The following DLC1 variants were observed in gnomAD, a reference collection of about 807,000 sequenced individuals.
DLC1 encodes rho GTPase-activating protein 7.
Under a neutral mutation model 140.3 loss-of-function variants are expected in DLC1, and 54 were observed. The observed-to-expected ratio is 0.38, with a 90% confidence interval of 0.31 to 0.48. DLC1 has a LOEUF of 0.48. Among genes scored for constraint, DLC1 ranks in the 20% least tolerant of loss-of-function variants. DLC1 has a pLI of 0.96. For synonymous variants in DLC1, 986 were observed against 728.1 expected (o/e 1.35, Z -5.70); for missense variants, 2,536 against 1,907.0 (o/e 1.33, Z -6.14).
intron 4 of DLC1, among the ~76,000 whole-genome samples, chr8:13,348,244 A>G (rs1395327142): frequency 2.6e-5 from 4 of 152,150 alleles, no homozygotes; most frequent in Non-Finnish European, 5.9e-5. Flanking sequence ...CGTGTGAGTA[A>G]TATGTGTGTG....
At position 13,187,985 on chromosome 8, in the gene DLC1, A is replaced by G. The variant is rs548360537; in HGVS notation, c.1349-72328T>C. Among the ~76,000 whole-genome samples the G allele has an allele frequency of 2.2e-4, 33 of 152,246 alleles. 1 individual carries two copies. Among genetic ancestry groups the G allele is most frequent in the African/African-American group, 7.9e-4 (33 of 41,550 alleles). On this transcript the variant is annotated intron_variant, in intron 5 of 17. Coordinates refer to ENST00000276297, the MANE Select transcript of DLC1 (RefSeq NM_182643.3). ...CTTTTCCTCCTTCTTTTTAATGGAA[A>G]AGTACTTGTAAAAATAGAATAGTTG... is the stretch of plus-strand genomic sequence containing the variant.
intron 5 of DLC1, among the ~76,000 whole-genome samples, chr8:13,209,123 T>C (rs1827813534): frequency 6.6e-6 from 1 of 152,242 alleles, no homozygotes; most frequent in East Asian, 1.9e-4. Context: ...AAAAAGATCT[T>C]TGGACTGGGG....
At chr8:13,108,922 A>T (rs1819816937) in intron 7 of DLC1, among the ~76,000 whole-genome samples, 1 of 152,112 alleles carries the variant, frequency 6.6e-6, no homozygotes, top group African/African-American at 2.4e-5. Context: ...ATGATATTAC[A>T]CTCCACAGTG....
chr8:13,221,720 G>GTATA lies in DLC1; in HGVS notation c.1348+83548_1348+83549insTATA, dbSNP rs1458235636. 6.3e-3 allele frequency among the ~76,000 whole-genome samples: 670 copies of GTATA among 106,526 alleles called. 7 individuals carry two copies. The highest frequency in any genetic ancestry group is 0.025 in the African/African-American group (615 of 24,774). The allele number at this position is 106,526 out of a possible 152,430, so 69.9% of individuals were successfully genotyped here. A position where few individuals can be genotyped will look rare whatever the true frequency, so the allele number is the denominator to read the frequency against. ...TGTATATGTGTGTGTATATGTGTGT[G>GTATA]TGTGTGTATATATATATATATATAT... On this transcript the variant is annotated intron_variant, in intron 5 of 17. Coordinates refer to ENST00000276297, the MANE Select transcript of DLC1 (RefSeq NM_182643.3).
At chr8:13,186,946 A>G (rs1428065139) in intron 5 of DLC1, among the ~76,000 whole-genome samples, 5 of 152,134 alleles carry the variant, frequency 3.3e-5, no homozygotes, top group Non-Finnish European at 7.4e-5. Context: ...CTGGAGTTCC[A>G]CTCTAGACCC....
chr8:13,131,750 C>A (rs1178031487), intron 5 of DLC1, among the ~76,000 whole-genome samples: 1 of 152,168 alleles, frequency 6.6e-6, no homozygotes, highest in Non-Finnish European at 1.5e-5. Context: ...AGTTATCACC[C>A]CTTTGGTGCA....
intron 1 of DLC1, chr8:13,568,342 G>A (rs1475398773): frequency 1.1e-5 from 2 of 184,794 alleles, no homozygotes; most frequent in Admixed American, 1.1e-4. Context: ...CATTAAGACA[G>A]GAACACCAGA....
chr8:13,380,448 TTCC>T (rs1402366033), intron 4 of DLC1, among the ~76,000 whole-genome samples: 2 of 152,224 alleles, frequency 1.3e-5, no homozygotes, highest in Non-Finnish European at 2.9e-5. Flanking sequence ...AATATTCCCC[TTCC>T]TCCACCTTTT....
intron 5 of DLC1, among the ~76,000 whole-genome samples, chr8:13,161,824 C>T (rs7837117): frequency 2.0e-5 from 3 of 152,126 alleles, no homozygotes; most frequent in African/African-American, 4.8e-5. Context: ...AACTCATGTT[C>T]AGAGCCCTGT....
At chr8:13,360,646 T>A (rs1252212366) in intron 4 of DLC1, among the ~76,000 whole-genome samples, 2 of 152,130 alleles carry the variant, frequency 1.3e-5, no homozygotes, top group Non-Finnish European at 2.9e-5. Flanking sequence ...AGACTTACTC[T>A]GTGTTTTTTG....
At chr8:13,595,563 C>G (rs1805655668) in intron 1 of DLC1, among the ~76,000 whole-genome samples, 1 of 151,884 alleles carries the variant, frequency 6.6e-6, no homozygotes, top group African/African-American at 2.4e-5. Context: ...ATCTTGAGTT[C>G]TTTATGATTA....
At chr8:13,198,335 C>T (rs1338081669) in intron 5 of DLC1, among the ~76,000 whole-genome samples, 3 of 152,004 alleles carry the variant, frequency 2.0e-5, no homozygotes, top group Admixed American at 6.6e-5. Flanking sequence ...GAATTGGTAC[C>T]ATTTACAAAG....
intron 5 of DLC1, among the ~76,000 whole-genome samples, chr8:13,259,790 A>G (rs1051527224): frequency 4.7e-5 from 7 of 148,360 alleles, no homozygotes; most frequent in African/African-American, 1.8e-4. Flanking sequence ...CAAGTACAAC[A>G]GATGGGTTTT....
chr8:13,122,131 G>A (rs1220533591), intron 5 of DLC1, among the ~76,000 whole-genome samples: 3 of 152,142 alleles, frequency 2.0e-5, no homozygotes, highest in Non-Finnish European at 2.9e-5. Flanking sequence ...GAGCCACTGG[G>A]CTGGTTTTAT....
At chr8:13,128,664 C>T (rs534346698) in intron 5 of DLC1, among the ~76,000 whole-genome samples, 1 of 152,216 alleles carries the variant, frequency 6.6e-6, no homozygotes, top group Admixed American at 6.5e-5. Context: ...AACCCTGTTT[C>T]TACTAAAAAT....
chr8:13,569,956 G>A (rs1057375999), intron 1 of DLC1, among the ~76,000 whole-genome samples: 1 of 152,148 alleles, frequency 6.6e-6, no homozygotes, highest in Non-Finnish European at 1.5e-5. Context: ...GAATTCCTGA[G>A]CTCAAGCAAT....
At chr8:13,557,877 G>C (rs569126030) in intron 1 of DLC1, 1 of 152,250 alleles carries the variant, frequency 6.6e-6, no homozygotes, top group South Asian at 2.1e-4. Flanking sequence ...TTTTATTTGG[G>C]AAGCAAGAAT....
intron 4 of DLC1, among the ~76,000 whole-genome samples, chr8:13,390,627 C>A (rs1286016357): frequency 1.3e-5 from 2 of 152,162 alleles, no homozygotes; most frequent in African/African-American, 2.4e-5. Context: ...GTGCAGCAAA[C>A]CACCATGGCA....
intron 2 of DLC1, among the ~76,000 whole-genome samples, chr8:13,419,366 C>T (rs1336967684): frequency 6.6e-6 from 1 of 152,030 alleles, no homozygotes; most frequent in East Asian, 1.9e-4. Flanking sequence ...ATAGATAGCT[C>T]TTATTATTTT....
Sources: allele counts gnomAD v4.1 joint callset (sites outside exome capture counted in the v4.1 genomes callset), GRCh38; gene constraint gnomAD v4.1.1; transcripts MANE v1.5; gene names NCBI Gene and HGNC (gene_info 2026-07-23, HGNC 2026-07-21).